LRFN2: variants seen among roughly 807,000 people sequenced by gnomAD.
LRFN2 encodes leucine-rich repeat and fibronectin type-III domain-containing protein 2.
In LRFN2, 18 loss-of-function variants were observed where a neutral mutation model predicts 37.3. The observed-to-expected ratio is 0.48, with a 90% CI of 0.33 to 0.72. The LOEUF (loss-of-function observed/expected upper bound fraction) is 0.72, where lower values mean the gene tolerates loss of function less well. Among genes scored for constraint, LRFN2 ranks in the 30% least tolerant of loss-of-function variants. The pLI is 0.02. For missense variants in LRFN2, 1,006 were observed against 1,060.7 expected, an observed-to-expected ratio of 0.95 and a Z score of 0.72; for synonymous variants, 556 against 466.6, an observed-to-expected ratio of 1.19 and a Z score of -2.47.
intron 2 of LRFN2, among the ~76,000 whole-genome samples, chr6:40,419,675 C>T (rs1381053895): frequency 2.6e-5 from 4 of 152,128 alleles, no homozygotes; most frequent in Non-Finnish European, 2.9e-5. Context: ...ATCATTCCTG[C>T]CTCTGTCTCT....
rs964749854 is a variant in LRFN2, at chr6:40,549,953, G to T, written c.-19+36988C>A. 2.0e-5 allele frequency among the ~76,000 whole-genome samples: 3 copies of T among 152,152 alleles called. 1 individual carries two copies. The highest frequency in any genetic ancestry group is 6.6e-5 in the Admixed American group (1 of 15,258). On this transcript the variant is annotated intron_variant, in intron 1 of 2. Transcript: ENST00000338305. The stretch of plus-strand genomic sequence containing the variant: ...GGAGGCTGAAGCAGGAGATTCGCTT[G>T]AACCCAGGAGGCGGAGGTTGCAGTG...
intron 2 of LRFN2, among the ~76,000 whole-genome samples, chr6:40,413,692 G>T (rs934455659): frequency 7.2e-5 from 11 of 152,288 alleles, no homozygotes; most frequent in African/African-American, 2.6e-4. Context: ...AATCCCCCAG[G>T]CCCTTGAAGC....
intron 2 of LRFN2, among the ~76,000 whole-genome samples, chr6:40,406,955 CCAGT>C (rs1762860971): frequency 6.6e-6 from 1 of 152,164 alleles, no homozygotes; most frequent in African/African-American, 2.4e-5. Flanking sequence ...CTACATTGCC[CCAGT>C]CAGACATCAC....
intron 1 of LRFN2, among the ~76,000 whole-genome samples, chr6:40,468,109 TG>T (rs899420369): frequency 6.6e-6 from 1 of 152,152 alleles, no homozygotes; most frequent in Non-Finnish European, 1.5e-5. Flanking sequence ...ACTTGGTTAT[TG>T]GGCACCTGCT....
chr6:40,517,098 C>T (rs1765900526), intron 1 of LRFN2, among the ~76,000 whole-genome samples: 1 of 152,158 alleles, frequency 6.6e-6, no homozygotes, highest in African/African-American at 2.4e-5. Flanking sequence ...AGGACTAGAT[C>T]ACCCAAGGGT....
Position 40,432,820 on chromosome 6 carries a change from G to A in LRFN2, c.294C>T (p.Asp98=), listed in dbSNP as rs775541332. The A allele has an allele frequency of 2.5e-6, 4 of 1,614,220 alleles. No individual in the cohort carries two copies. Among genetic ancestry groups the A allele is most frequent in the Non-Finnish European group, 2.5e-6 (3 of 1,180,040 alleles). ...ISHIQPFSFL[D]LESLRSLHLD... ...GATGCAGGGAGCGGAGGCTCTCGAGGTCCAGAAAGGAAAAGGGCTGGATGT... is the reference window on the plus strand; with the variant it reads ...GATGCAGGGAGCGGAGGCTCTCGAGATCCAGAAAGGAAAAGGGCTGGATGT... Residue 98 remains aspartate (D), a synonymous_variant, in exon 2 of 3, where the codon GAC becomes GAT. Transcript: ENST00000338305.
At chr6:40,443,972 G>A (rs1453894744) in intron 1 of LRFN2, among the ~76,000 whole-genome samples, 2 of 152,164 alleles carry the variant, frequency 1.3e-5, no homozygotes, top group Admixed American at 6.5e-5. Flanking sequence ...ACCTAGGGCT[G>A]GGAGGGAGCT....
chr6:40,470,063 G>A (rs1764556970), intron 1 of LRFN2, among the ~76,000 whole-genome samples: 1 of 152,186 alleles, frequency 6.6e-6, no homozygotes, highest in Admixed American at 6.5e-5. Context: ...GCATCACATT[G>A]GGTGATCATG....
At chr6:40,435,343 T>C (rs978994201) in intron 1 of LRFN2, among the ~76,000 whole-genome samples, 1 of 151,482 alleles carries the variant, frequency 6.6e-6, no homozygotes, top group African/African-American at 2.4e-5. Context: ...TTTATTTTTG[T>C]AGAGTCAGAT....
intron 2 of LRFN2, among the ~76,000 whole-genome samples, chr6:40,394,952 TC>T (rs1346466282): frequency 9.5e-6 from 1 of 105,736 alleles, no homozygotes; most frequent in East Asian, 2.6e-4. Flanking sequence ...CTTTTTCTTT[TC>T]CTTTTTTTTT....
At position 40,392,262 on chromosome 6, in the gene LRFN2, G is replaced by A. The variant is rs1433638670; in HGVS notation, c.2051C>T (p.Ala684Val). The A allele has an allele frequency of 6.3e-7, 1 of 1,595,164 alleles. No homozygotes were observed. The highest frequency in any genetic ancestry group is 1.1e-5 in the South Asian group (1 of 87,388). ...GTGGTGGCCCCGGGCCGACGTCCCA[G>A]CCCCTCTCCCGGCTGGAGTCCTGGA... ...LDSRTPAGRGAGTSARGHHSD... is the reference protein window; with the variant it reads ...LDSRTPAGRGVGTSARGHHSD... Residue 684 changes from alanine (A) to valine (V), a missense_variant, in exon 3 of 3, where the codon GCT (alanine) becomes GTT (valine). Physicochemically the swap from Ala to Val is moderately conservative, Grantham distance 64. Around this residue, in one of 4 missense-constraint regions of LRFN2, gnomAD observed 398 missense variants for 327.6 expected, o/e 1.21. Coordinates refer to ENST00000338305, the MANE Select transcript of LRFN2 (RefSeq NM_020737.3). The surrounding 1 kb of genome is among the most constrained non-coding windows in gnomAD (Gnocchi z 4.7).
intron 1 of LRFN2, among the ~76,000 whole-genome samples, chr6:40,556,396 G>A (rs1245933638): frequency 1.3e-5 from 2 of 152,186 alleles, no homozygotes; most frequent in East Asian, 1.9e-4. Context: ...CTGTGCTGAG[G>A]GCACAGAGCA....
chr6:40,556,545 T>C (rs1581793234), intron 1 of LRFN2, among the ~76,000 whole-genome samples: 3 of 152,072 alleles, frequency 2.0e-5, no homozygotes, highest in African/African-American at 7.3e-5. Flanking sequence ...CCATTAGTCA[T>C]TCTGGGGATG....
intron 2 of LRFN2, among the ~76,000 whole-genome samples, chr6:40,411,079 G>A (rs1025982358): frequency 2.6e-5 from 4 of 152,280 alleles, no homozygotes; most frequent in South Asian, 2.1e-4. Context: ...AATAAATCAC[G>A]TGTGAGTAAA....
chr6:40,422,494 G>A (rs1203508462), intron 2 of LRFN2, among the ~76,000 whole-genome samples: 1 of 151,444 alleles, frequency 6.6e-6, no homozygotes, highest in Non-Finnish European at 1.5e-5. Context: ...CACAGTCAGG[G>A]TTGGGAAACA....
At chr6:40,541,793 T>C (rs1766559869) in intron 1 of LRFN2, among the ~76,000 whole-genome samples, 1 of 152,234 alleles carries the variant, frequency 6.6e-6, no homozygotes, top group Admixed American at 6.5e-5. Flanking sequence ...CGTGGGCCTC[T>C]GCCAGGGCAG....
chr6:40,440,360 C>G (rs754645717), intron 1 of LRFN2, among the ~76,000 whole-genome samples: 12 of 152,118 alleles, frequency 7.9e-5, no homozygotes, highest in Non-Finnish European at 1.3e-4. Flanking sequence ...TGCCTTCTAC[C>G]CTTGTGCACC....
chr6:40,460,016 C>T (rs1449211654), intron 1 of LRFN2, among the ~76,000 whole-genome samples: 1 of 152,190 alleles, frequency 6.6e-6, no homozygotes, highest in Admixed American at 6.5e-5. Flanking sequence ...TGCCCTCATT[C>T]TTGACAGGGA....
intron 1 of LRFN2, among the ~76,000 whole-genome samples, chr6:40,571,379 A>G (rs911451610): frequency 1.3e-5 from 2 of 152,140 alleles, no homozygotes. Flanking sequence ...CCAGAATAAG[A>G]GGATGCTGCA....
Sources: gnomAD v4.1 joint callset for allele counts (sites outside exome capture counted in the v4.1 genomes callset) on GRCh38, gnomAD v4.1.1 for gene constraint, gnomAD v4.1.1 regional missense constraint, Gnocchi (gnomAD v3.1) non-coding constraint, MANE v1.5 for transcripts, NCBI Gene and HGNC (gene_info 2026-07-23, HGNC 2026-07-21) for gene names.